HTR1F: variants seen among roughly 807,000 people sequenced by gnomAD.
HTR1F encodes the protein 5-hydroxytryptamine (serotonin) receptor 1F, G protein-coupled.
In HTR1F, 17 loss-of-function variants were observed where a neutral mutation model predicts 24.0. The ratio of observed to expected loss-of-function variants is 0.71; its 90% CI spans 0.48 to 1.06. HTR1F has a LOEUF of 1.06. Ranked by LOEUF, HTR1F falls within the 50% of genes least tolerant of loss-of-function variation. HTR1F has a pLI of 0.00. For synonymous variants in HTR1F, 186 were observed against 156.8 expected (o/e 1.19, Z -1.39); for missense variants, 391 against 427.8 (o/e 0.91, Z 0.76).
intron 2 of HTR1F, among the ~76,000 whole-genome samples, chr3:87,894,916 T>C (rs1224250323): frequency 6.6e-6 from 1 of 152,150 alleles, no homozygotes; most frequent in South Asian, 2.1e-4. Flanking sequence ...GATATAATAG[T>C]GTATACAGCA....
rs142876225 is a variant in HTR1F at position 87,916,478 on chromosome 3, C to T, written c.-42-74230C>T. On this transcript the variant is annotated intron_variant, in intron 2 of 2. Coordinates refer to ENST00000319595, the MANE Select transcript of HTR1F (RefSeq NM_001322209.2). ...TCATCAACCAACTGTCTGCTACCTT[C>T]GGGAGACTCACCTAACACATAAAGA... Among the ~76,000 whole-genome samples, 741 of 152,086 alleles carry T rather than the reference C, an allele frequency of 4.9e-3. 5 individuals carry two copies. The highest frequency in any genetic ancestry group is 8.0e-3 in the Non-Finnish European group (544 of 67,940).
intron 2 of HTR1F, among the ~76,000 whole-genome samples, chr3:87,923,960 A>G (rs1200954457): frequency 6.6e-6 from 1 of 151,616 alleles, no homozygotes; most frequent in African/African-American, 2.4e-5. Context: ...TTTTCTTTTT[A>G]TTTTATGTCC....
chr3:87,933,028 G>A (rs1483149438), intron 2 of HTR1F, among the ~76,000 whole-genome samples: 5 of 148,392 alleles, frequency 3.4e-5, no homozygotes, highest in Admixed American at 1.3e-4. Flanking sequence ...CTTCATCCCT[G>A]GGATGCAAGG....
At chr3:87,921,022 C>G (rs905538665) in intron 2 of HTR1F, among the ~76,000 whole-genome samples, 2 of 151,958 alleles carry the variant, frequency 1.3e-5, no homozygotes, top group Admixed American at 1.3e-4. Context: ...AATACTTGGT[C>G]TTTAATGTAA....
intron 2 of HTR1F, among the ~76,000 whole-genome samples, chr3:87,932,203 T>A (rs1704293328): frequency 6.6e-6 from 1 of 152,154 alleles, no homozygotes; most frequent in Non-Finnish European, 1.5e-5. Flanking sequence ...CTTTAATCCA[T>A]CTTGAATTAA....
At chr3:87,800,054 A>C (rs1014450238) in intron 1 of HTR1F, among the ~76,000 whole-genome samples, 1 of 152,168 alleles carries the variant, frequency 6.6e-6, no homozygotes, top group Non-Finnish European at 1.5e-5. Context: ...TTACTTATTC[A>C]ATATGCTTAG....
At chr3:87,939,207 A>G (rs111382586) in intron 2 of HTR1F, among the ~76,000 whole-genome samples, 1,659 of 152,322 alleles carry the variant, frequency 0.011, 27 homozygotes, top group African/African-American at 0.037. Flanking sequence ...CCAGCCTTGC[A>G]TCATAGGGAT....
intron 2 of HTR1F, among the ~76,000 whole-genome samples, chr3:87,909,070 T>G (rs774681786): frequency 3.9e-5 from 6 of 151,988 alleles, no homozygotes; most frequent in Admixed American, 1.3e-4. Flanking sequence ...TTTCTTGGAG[T>G]TAGTCATGGT....
intron 2 of HTR1F, among the ~76,000 whole-genome samples, chr3:87,966,038 AT>A (rs1371510374): frequency 3.9e-5 from 6 of 152,196 alleles, no homozygotes; most frequent in African/African-American, 1.4e-4. Flanking sequence ...CTATAACAAA[AT>A]TCCAAAAACT....
intron 1 of HTR1F, among the ~76,000 whole-genome samples, chr3:87,821,208 G>GT (rs1475736648): frequency 6.6e-6 from 1 of 152,110 alleles, no homozygotes; most frequent in East Asian, 1.9e-4. Flanking sequence ...TTTCTGCACT[G>GT]TTTTTTAATT....
At chr3:87,960,390 C>T (rs1408188391) in intron 2 of HTR1F, among the ~76,000 whole-genome samples, 1 of 151,934 alleles carries the variant, frequency 6.6e-6, no homozygotes, top group African/African-American at 2.4e-5. Context: ...CTTCCTTAGA[C>T]AGTAATTCTC....
At chr3:87,840,631 A>G (rs1379609153) in intron 2 of HTR1F, among the ~76,000 whole-genome samples, 2 of 150,172 alleles carry the variant, frequency 1.3e-5, no homozygotes, top group African/African-American at 5.1e-5. Context: ...AATATGCTGA[A>G]AAGATATCCA....
Position 87,889,245 on chromosome 3 carries a change from C to A in HTR1F, c.-43+67121C>A, listed in dbSNP as rs112458147. Among the ~76,000 whole-genome samples the A allele has an allele frequency of 3.9e-3, 594 of 152,194 alleles. 7 individuals are homozygous for A. Among genetic ancestry groups the A allele is most frequent in the African/African-American group, 0.014 (563 of 41,534 alleles). On this transcript the variant is annotated intron_variant, in intron 2 of 2. Transcript: ENST00000319595. ...CCAGCAGAACCATAAGTTAAATAAACCTCTCTTATTTATAAATTACCCAGC... is the reference window on the plus strand; with the variant it reads ...CCAGCAGAACCATAAGTTAAATAAAACTCTCTTATTTATAAATTACCCAGC...
At chr3:87,908,795 T>A (rs530376251) in intron 2 of HTR1F, among the ~76,000 whole-genome samples, 5 of 152,056 alleles carry the variant, frequency 3.3e-5, no homozygotes, top group Non-Finnish European at 7.4e-5. Flanking sequence ...TTAAAGAAAC[T>A]TGCTATTTCT....
intron 1 of HTR1F, among the ~76,000 whole-genome samples, chr3:87,810,838 T>A (rs1464889583): frequency 1.3e-5 from 2 of 152,210 alleles, no homozygotes; most frequent in South Asian, 4.1e-4. Flanking sequence ...ATATTTCATG[T>A]GAAGAAGAAA....
chr3:87,906,977 C>T (rs1230388597), intron 2 of HTR1F, among the ~76,000 whole-genome samples: 3 of 152,014 alleles, frequency 2.0e-5, no homozygotes, highest in Admixed American at 1.3e-4. Context: ...GCAATTGCCA[C>T]TTGTGCCACT....
At chr3:87,926,791 A>C (rs1266043006) in intron 2 of HTR1F, among the ~76,000 whole-genome samples, 1 of 152,082 alleles carries the variant, frequency 6.6e-6, no homozygotes, top group Admixed American at 6.6e-5. Context: ...AAATTGTTTC[A>C]CTTAGGAAGA....
rs1226207964 is a variant in HTR1F, at chr3:87,948,462, T to C, written c.-42-42246T>C. On this transcript the variant is annotated intron_variant, in intron 2 of 2. Transcript: ENST00000319595. ...GAGGAAAGTCACATTTCAATTCTCC[T>C]GGCAGCTAGAATTCTTTTTTATATG... 3.3e-5 allele frequency among the ~76,000 whole-genome samples: 5 copies of C among 152,202 alleles called. No homozygotes were observed. In the East Asian group the frequency reaches 5.8e-4, roughly 18 times the overall value.
At chr3:87,985,842 TCAAA>T (rs564400402) in intron 2 of HTR1F, among the ~76,000 whole-genome samples, 169 of 152,340 alleles carry the variant, frequency 1.1e-3, no homozygotes, top group Non-Finnish European at 2.0e-3. Flanking sequence ...GATATCAAGA[TCAAA>T]CAAACACCTG....
Sources: allele counts gnomAD v4.1 joint callset (sites outside exome capture counted in the v4.1 genomes callset), GRCh38; gene constraint gnomAD v4.1.1; transcripts MANE v1.5; gene names NCBI Gene and HGNC (gene_info 2026-07-23, HGNC 2026-07-21).